Variants in SNX30 observed in about 807,000 individuals in gnomAD.
SNX30 encodes sorting nexin family member 30, also known as sorting nexin-30.
A neutral mutation model predicts 46.4 loss-of-function variants in SNX30; 24 were observed. The observed-to-expected ratio is 0.52, with a 90% CI of 0.37 to 0.73. The LOEUF is 0.73. SNX30 is among the 30% of genes least tolerant of loss of function. The probability of loss-of-function intolerance (pLI) is 0.00; values close to 1 mark genes in which losing one functional copy is unlikely to be tolerated. For synonymous variants in SNX30, 189 were observed against 211.5 expected (o/e 0.89, Z 0.92); for missense variants, 533 against 555.7 (o/e 0.96, Z 0.41).
At chr9:112,839,583 A>T (rs528328591) in intron 6 of SNX30, among the ~76,000 whole-genome samples, 94 of 152,300 alleles carry the variant, frequency 6.2e-4, no homozygotes, top group Admixed American at 1.0e-3. Flanking sequence ...CTGCACATAG[A>T]CTGGTTGGAG....
chr9:112,815,197 C>T (rs889884879), intron 2 of SNX30, among the ~76,000 whole-genome samples: 1 of 151,120 alleles, frequency 6.6e-6, no homozygotes, highest in Non-Finnish European at 1.5e-5. Context: ...GCCTGTTCCC[C>T]AAAAGTGAAA....
At chr9:112,853,202 G>A (rs562951148) in intron 7 of SNX30, among the ~76,000 whole-genome samples, 1 of 152,356 alleles carries the variant, frequency 6.6e-6, no homozygotes, top group East Asian at 1.9e-4. Flanking sequence ...ATGTATCTAT[G>A]GAAAGGCAGA....
chr9:112,837,481 TG>T (rs1319936642), intron 5 of SNX30, among the ~76,000 whole-genome samples: 2 of 152,040 alleles, frequency 1.3e-5, no homozygotes, highest in Admixed American at 6.6e-5. Context: ...TTTTGGTTTT[TG>T]GTTTTTTTTT....
chr9:112,775,392 C>T (rs928603965), intron 1 of SNX30, among the ~76,000 whole-genome samples: 1 of 151,094 alleles, frequency 6.6e-6, no homozygotes, highest in African/African-American at 2.4e-5. Context: ...CGACCTCAGG[C>T]CCACCTTGGC....
intron 4 of SNX30, among the ~76,000 whole-genome samples, chr9:112,833,002 T>G (rs1840693174): frequency 6.6e-6 from 1 of 151,790 alleles, no homozygotes; most frequent in Admixed American, 6.6e-5. Flanking sequence ...CTGAACAAAA[T>G]GTGCTAAATG....
At chr9:112,875,147 AT>A (rs1329667794), downstream of SNX30, 5 of 152,088 alleles carry the variant, frequency 3.3e-5, no homozygotes, top group African/African-American at 1.2e-4. Context: ...AACTATTTTT[AT>A]TCTTCTTCAC....
intron 1 of SNX30, among the ~76,000 whole-genome samples, chr9:112,773,303 T>G (rs1179606307): frequency 6.6e-6 from 1 of 152,232 alleles, no homozygotes; most frequent in Non-Finnish European, 1.5e-5. Context: ...AATAAGGTTA[T>G]GTACAATAGG....
At chr9:112,750,590 G>A (rs1839247406), upstream of SNX30, 1 of 152,534 alleles carries the variant, frequency 6.6e-6, no homozygotes, top group Non-Finnish European at 1.5e-5. Context: ...AGAGGCCCAG[G>A]GCGCACTTCC....
intron 3 of SNX30, among the ~76,000 whole-genome samples, chr9:112,828,639 C>T (rs766176281): frequency 5.3e-5 from 8 of 152,160 alleles, no homozygotes; most frequent in Non-Finnish European, 1.0e-4. Flanking sequence ...GAGATCTGAT[C>T]AGGGATCCGT....
chr9:112,751,249 C>A (rs1256310707), intron 1 of SNX30, 92 bp downstream of exon 1: 3 of 1,265,428 alleles, frequency 2.4e-6, no homozygotes, highest in Non-Finnish European at 3.0e-6. Context: ...TGGGGCCGCG[C>A]CCACCCTGCC....
intron 1 of SNX30, among the ~76,000 whole-genome samples, chr9:112,797,350 T>A (rs972747441): frequency 2.0e-5 from 3 of 152,206 alleles, no homozygotes. Context: ...TAGAAAATTT[T>A]AAGCATATAG....
chr9:112,859,016 G>A (rs1375754901), intron 7 of SNX30, among the ~76,000 whole-genome samples: 1 of 152,078 alleles, frequency 6.6e-6, no homozygotes, highest in East Asian at 1.9e-4. Flanking sequence ...CATTTACATT[G>A]TTGTGCAATC....
downstream of SNX30, among the ~76,000 whole-genome samples, chr9:112,882,683 T>C (rs1841595504): frequency 6.6e-6 from 1 of 151,828 alleles, no homozygotes; most frequent in Non-Finnish European, 1.5e-5. Flanking sequence ...CCTGATTGAT[T>C]GGAGGTGGGG....
At chr9:112,866,993 C>A (rs796529361) in intron 8 of SNX30, among the ~76,000 whole-genome samples, 24 of 5,642 alleles carry the variant, frequency 4.3e-3, no homozygotes, top group Admixed American at 0.011. Flanking sequence ...AATTCCTTCT[C>A]CCTCCTCAGA....
intron 6 of SNX30, among the ~76,000 whole-genome samples, chr9:112,849,548 T>C (rs1840992586): frequency 6.6e-6 from 1 of 152,232 alleles, no homozygotes; most frequent in Admixed American, 6.5e-5. Context: ...GTCAGGGCAC[T>C]TAGGAGACAG....
chr9:112,759,683 T>G (rs1176633556), intron 1 of SNX30, among the ~76,000 whole-genome samples: 1 of 151,244 alleles, frequency 6.6e-6, no homozygotes, highest in Admixed American at 6.6e-5. Context: ...GAGCTGAGAT[T>G]GCGCCACTGC....
At chr9:112,762,344 G>A (rs537127455) in intron 1 of SNX30, among the ~76,000 whole-genome samples, 11 of 152,230 alleles carry the variant, frequency 7.2e-5, no homozygotes, top group African/African-American at 2.2e-4. Context: ...GAGTGCAGGC[G>A]CTTTTCAAAA....
chr9:112,804,043 C>T (rs1202768024), intron 1 of SNX30, among the ~76,000 whole-genome samples: 31 of 147,084 alleles, frequency 2.1e-4, no homozygotes, highest in African/African-American at 7.3e-4. Flanking sequence ...GTCTGGCACT[C>T]CCTAGTGAGA....
At position 112,873,486 on chromosome 9, in the gene SNX30, G is replaced by T. The variant is rs1394680585; in HGVS notation, c.*4643G>T. On this transcript the variant is annotated 3_prime_UTR_variant, in exon 9 of 9. Coordinates refer to ENST00000374232, the MANE Select transcript of SNX30 (RefSeq NM_001012994.2). ...AGTTGTTCAGCTTCAATAATATAGAGATCTAACATAGTCAGTCCTCAGGCC... is the reference window on the plus strand; with the variant it reads ...AGTTGTTCAGCTTCAATAATATAGATATCTAACATAGTCAGTCCTCAGGCC... 1 of 152,138 alleles carries T rather than the reference G, an allele frequency of 6.6e-6. No homozygotes were observed. The highest frequency in any genetic ancestry group is 1.5e-5 in the Non-Finnish European group (1 of 68,038). 9.4% of individuals were successfully genotyped at this position (152,138 alleles called of 1,614,324 possible).
Sources: gnomAD v4.1 joint callset for allele counts (sites outside exome capture counted in the v4.1 genomes callset) on GRCh38, gnomAD v4.1.1 for gene constraint, MANE v1.5 for transcripts, NCBI Gene and HGNC (gene_info 2026-07-23, HGNC 2026-07-21) for gene names.